The following ITGA4 variants were observed in gnomAD, a reference collection of about 807,000 sequenced individuals.
ITGA4 encodes integrin subunit alpha 4, also known as integrin alpha-4.
A neutral mutation model predicts 133.6 loss-of-function variants in ITGA4; 63 were observed. That is an observed-to-expected ratio of 0.47 (90% CI 0.38 to 0.58). The LOEUF (loss-of-function observed/expected upper bound fraction) is 0.58, where lower values mean the gene tolerates loss of function less well. Ranked by LOEUF, ITGA4 falls within the 20% of genes least tolerant of loss-of-function variation. The probability of loss-of-function intolerance (pLI) is 0.00; values close to 1 mark genes in which losing one functional copy is unlikely to be tolerated. For missense variants in ITGA4, 1,076 were observed against 1,252.7 expected, an observed-to-expected ratio of 0.86 and a Z score of 2.13; for synonymous variants, 483 against 438.0, an observed-to-expected ratio of 1.10 and a Z score of -1.28.
chr2:181,509,315 A>G (rs12690516), intron 15 of ITGA4, among the ~76,000 whole-genome samples: 91,313 of 151,764 alleles, frequency 0.6, 27,832 homozygotes, highest in South Asian at 0.84. Context: ...ATGATTTACA[A>G]AAAGTTTATC....
At position 181,498,755 on chromosome 2, in the gene ITGA4, GAACACA is replaced by G. The variant is rs1430869541; in HGVS notation, c.1674_1679del (p.Arg558_His560delinsSer). 1 of 1,607,882 alleles carries G rather than the reference GAACACA, an allele frequency of 6.2e-7. No individual in the cohort carries two copies. The highest frequency in any genetic ancestry group is 1.7e-5 in the Admixed American group (1 of 59,132). On this transcript the variant is annotated inframe_deletion, in exon 15 of 28. Coordinates refer to ENST00000397033, the MANE Select transcript of ITGA4 (RefSeq NM_000885.6). ...GTGTCCAGCAGAGAAGCTAACTGTA[GAACACA>G]TCAAGCATTTATGCGGGTAATGTAA...
At position 181,537,374 on chromosome 2, in the gene ITGA4, A is replaced by C; in HGVS notation, c.*1847A>C. 1 of 453,956 alleles carries C rather than the reference A, an allele frequency of 2.2e-6. No homozygotes were observed. The highest frequency in any genetic ancestry group is 1.6e-5 in the South Asian group (1 of 64,470). The allele number at this position is 453,956 out of a possible 1,614,324, so 28.1% of individuals were successfully genotyped here. A position where few individuals can be genotyped will look rare whatever the true frequency, so the allele number is the denominator to read the frequency against. ...TCTCAGATACAAGGGGAACACAATT[A>C]CATATTGGGCTAGATTTTGCCCAGT... is the stretch of plus-strand genomic sequence containing the variant. On this transcript the variant is annotated 3_prime_UTR_variant, in exon 28 of 28. Coordinates refer to ENST00000397033, the MANE Select transcript of ITGA4 (RefSeq NM_000885.6).
At chr2:181,517,353 C>A (rs748213793) in intron 17 of ITGA4, among the ~76,000 whole-genome samples, 5 of 151,996 alleles carry the variant, frequency 3.3e-5, no homozygotes, top group Non-Finnish European at 7.4e-5. Context: ...GCATTTCTTG[C>A]AAAATAAAGC....
Position 181,511,865 on chromosome 2 carries a change from G to C in ITGA4, c.1922+90G>C, listed in dbSNP as rs930110685. ...CATTCCCAAAAGAAAAGGAACAAGA[G>C]CTAACCCTTGAAAATTAACAGCGTT... On this transcript the variant is annotated intron_variant, in intron 17 of 27. Transcript: ENST00000397033. The C allele has an allele frequency of 7.6e-6, 5 of 660,746 alleles. No individual in the cohort carries two copies. In the African/African-American group the frequency reaches 9.1e-5, roughly 12 times the overall value. The allele number at this position is 660,746 out of a possible 1,614,324, so 40.9% of individuals were successfully genotyped here. A position where few individuals can be genotyped will look rare whatever the true frequency, so the allele number is the denominator to read the frequency against.
At position 181,458,244 on chromosome 2, in the gene ITGA4, GA is replaced by G; in HGVS notation, c.247del (p.Ile83SerfsTer60). 6.2e-7 allele frequency: 1 copy of G among 1,613,706 alleles called. No individual in the cohort carries two copies. On this transcript the variant is annotated frameshift_variant, in exon 2 of 28. Transcript: ENST00000397033. LOFTEE classifies it high-confidence loss of function. ...TANWLANASV[I>X]NPGAIYRCRI... ...CCAACTGGCTCGCCAACGCTTCAGT[GA>G]TCAATCCCGGGGCGATTTACAGATG...
At chr2:181,488,271 G>A (rs367979497) in intron 10 of ITGA4, among the ~76,000 whole-genome samples, 17 of 152,142 alleles carry the variant, frequency 1.1e-4, no homozygotes, top group East Asian at 3.9e-4. Context: ...AGAGGACTTC[G>A]GAGGTGACTT....
intron 14 of ITGA4, among the ~76,000 whole-genome samples, chr2:181,497,948 C>A (rs1686187389): frequency 6.6e-6 from 1 of 151,282 alleles, no homozygotes; most frequent in African/African-American, 2.4e-5. Context: ...TTGAAATAAA[C>A]CCTGCCAAAC....
chr2:181,523,189 C>T lies in ITGA4; in HGVS notation c.2074-248C>T, dbSNP rs1027814932. The T allele has an allele frequency of 3.6e-6, 1 of 280,204 alleles. No homozygotes were observed. The highest frequency in any genetic ancestry group is 6.1e-5 in the South Asian group (1 of 16,486). The allele number at this position is 280,204 out of a possible 1,614,324, so 17.4% of individuals were successfully genotyped here. ...GTATATACACACACACATACACATACACATATATATACACACACATATATA... is the reference window on the plus strand; with the variant it reads ...GTATATACACACACACATACACATATACATATATATACACACACATATATA... On this transcript the variant is annotated intron_variant, in intron 18 of 27. Coordinates refer to ENST00000397033, the MANE Select transcript of ITGA4 (RefSeq NM_000885.6). This position sits in a 1 kb window ranked among gnomAD's most constrained non-coding sequence, Gnocchi z 4.2.
intron 16 of ITGA4, among the ~76,000 whole-genome samples, chr2:181,510,953 C>T (rs1433957152): frequency 2.6e-5 from 4 of 151,934 alleles, no homozygotes; most frequent in Non-Finnish European, 5.9e-5. Context: ...GATATTTACA[C>T]CTCTCCCCCA....
intron 22 of ITGA4, among the ~76,000 whole-genome samples, chr2:181,528,445 G>A (rs1159907042): frequency 1.3e-5 from 2 of 152,198 alleles, no homozygotes; most frequent in Non-Finnish European, 2.9e-5. Context: ...TCTACTAAAT[G>A]TATAATGTAG....
intron 25 of ITGA4, among the ~76,000 whole-genome samples, chr2:181,532,662 T>C (rs1427636377): frequency 6.6e-6 from 1 of 152,078 alleles, no homozygotes; most frequent in Non-Finnish European, 1.5e-5. Flanking sequence ...GACCATGGAG[T>C]TTTCTAAATA....
chr2:181,491,699 C>A (rs531234547), intron 10 of ITGA4, among the ~76,000 whole-genome samples: 15 of 152,020 alleles, frequency 9.9e-5, no homozygotes, highest in Non-Finnish European at 1.9e-4. Context: ...AAATTGCTGT[C>A]TTCCCTTCAA....
At chr2:181,463,184 C>T (rs1161605354) in intron 2 of ITGA4, among the ~76,000 whole-genome samples, 1 of 152,090 alleles carries the variant, frequency 6.6e-6, no homozygotes. Flanking sequence ...GAGCACGATG[C>T]TTTTGAAGAA....
At chr2:181,475,679 A>G in intron 4 of ITGA4, 2 of 1,092,358 alleles carry the variant, frequency 1.8e-6, no homozygotes, top group Non-Finnish European at 2.5e-6. Flanking sequence ...TCCAGGAGTA[A>G]TTGGGAAGAA....
In ITGA4 at chr2:181,530,540, G is replaced by A; in HGVS notation, c.2555G>A (p.Cys852Tyr). The A allele has an allele frequency of 6.2e-7, 1 of 1,612,836 alleles. No individual in the cohort carries two copies. Among genetic ancestry groups the A allele is most frequent in the African/African-American group, 1.3e-5 (1 of 75,026 alleles). The change falls in exon 24 of 28, where the codon TGC (cysteine) becomes TAC (tyrosine). Residue 852 changes from cysteine to tyrosine, a missense_variant. Coordinates refer to ENST00000397033, the MANE Select transcript of ITGA4 (RefSeq NM_000885.6). ...TCTTCATAGACTACTACTGGAGAAT[G>A]CCACTTTGAAAATTATCAAAGAGTG... is the stretch of plus-strand genomic sequence containing the variant. ...ILDVQTTTGE[C>Y]HFENYQRVCA...
chr2:181,520,350 G>T (rs1004504249), intron 17 of ITGA4, among the ~76,000 whole-genome samples: 2 of 152,078 alleles, frequency 1.3e-5, no homozygotes, highest in African/African-American at 2.4e-5. Flanking sequence ...AGAAAAATAT[G>T]ACTGAAACAA....
At chr2:181,526,981 G>A (rs978299673) in intron 21 of ITGA4, among the ~76,000 whole-genome samples, 3 of 151,298 alleles carry the variant, frequency 2.0e-5, no homozygotes, top group Non-Finnish European at 4.4e-5. Context: ...ACAGGCACAC[G>A]CCACCACGCC....
At chr2:181,497,865 TTTC>T (rs1471041645) in intron 14 of ITGA4, among the ~76,000 whole-genome samples, 3 of 152,052 alleles carry the variant, frequency 2.0e-5, no homozygotes, top group Non-Finnish European at 2.9e-5. Flanking sequence ...TTGTTAATTT[TTTC>T]TTTTTTCCTT....
chr2:181,477,693 TAAC>T (rs1371573939), intron 4 of ITGA4, among the ~76,000 whole-genome samples: 3 of 152,160 alleles, frequency 2.0e-5, no homozygotes, highest in South Asian at 2.1e-4. Context: ...AGGCAAGAGA[TAAC>T]AAGTGTTGGC....
Sources: gnomAD v4.1 joint callset for allele counts (sites outside exome capture counted in the v4.1 genomes callset) on GRCh38, gnomAD v4.1.1 for gene constraint, Gnocchi (gnomAD v3.1) non-coding constraint, MANE v1.5 for transcripts, NCBI Gene and HGNC (gene_info 2026-07-23, HGNC 2026-07-21) for gene names.